Variants in GDPD1 observed in about 807,000 individuals in gnomAD.
GDPD1 encodes the protein glycerophosphodiester phosphodiesterase domain containing 1, also known as lysophospholipase D GDPD1.
GDPD1 carries 28 observed loss-of-function variants against 45.1 expected under a neutral mutation model. The ratio of observed to expected loss-of-function variants is 0.62; its 90% CI spans 0.46 to 0.85. The LOEUF (loss-of-function observed/expected upper bound fraction) is 0.85. Among genes scored for constraint, GDPD1 ranks in the 40% least tolerant of loss-of-function variants. The pLI, the probability that GDPD1 is intolerant of heterozygous loss-of-function variation, is 0.00. For synonymous variants in GDPD1, 139 were observed against 131.4 expected (o/e 1.06, Z -0.40); for missense variants, 256 against 364.8 (o/e 0.70, Z 2.43).
chr17:59,239,479 G>T (rs555212083), intron 2 of GDPD1, among the ~76,000 whole-genome samples: 1 of 151,804 alleles, frequency 6.6e-6, no homozygotes, highest in Non-Finnish European at 1.5e-5. Flanking sequence ...GGTGCATGTT[G>T]TTATTCATGG....
intron 1 of GDPD1, among the ~76,000 whole-genome samples, chr17:59,225,090 CT>C (rs796851725): frequency 0.077 from 8,734 of 113,494 alleles, 281 homozygotes; most frequent in African/African-American, 0.19. Flanking sequence ...TCTTTCTTTT[CT>C]TTTTTTTTTT....
intron 4 of GDPD1, among the ~76,000 whole-genome samples, chr17:59,255,466 GCACAGTGGCT>G (rs911251857): frequency 1.3e-5 from 2 of 151,232 alleles, no homozygotes; most frequent in African/African-American, 4.9e-5. Context: ...AATAGGCCGG[GCACAGTGGCT>G]CACGCTTGTA....
At chr17:59,253,221 C>T (rs2047269705) in intron 4 of GDPD1, among the ~76,000 whole-genome samples, 1 of 152,136 alleles carries the variant, frequency 6.6e-6, no homozygotes, top group Admixed American at 6.6e-5. Flanking sequence ...CCTTGTCTAT[C>T]TTTCCTATTT....
At chr17:59,254,378 A>AAG (rs1471872574) in intron 4 of GDPD1, among the ~76,000 whole-genome samples, 4 of 151,410 alleles carry the variant, frequency 2.6e-5, no homozygotes, top group African/African-American at 9.7e-5. Context: ...AAAAAAAAAA[A>AAG]AGAAAAGCCA....
chr17:59,249,406 A>G (rs73321292), intron 4 of GDPD1, among the ~76,000 whole-genome samples: 3,942 of 152,212 alleles, frequency 0.026, 195 homozygotes, highest in African/African-American at 0.089. Context: ...AAAAAAATAT[A>G]TATAATGAAA....
intron 1 of GDPD1, among the ~76,000 whole-genome samples, chr17:59,234,131 C>T (rs1180895685): frequency 6.6e-6 from 1 of 151,766 alleles, no homozygotes; most frequent in Non-Finnish European, 1.5e-5. Flanking sequence ...ACAGATCACG[C>T]GGTCAGGAGA....
chr17:59,232,283 T>C (rs2047096908), intron 1 of GDPD1, among the ~76,000 whole-genome samples: 1 of 151,992 alleles, frequency 6.6e-6, no homozygotes, highest in South Asian at 2.1e-4. Flanking sequence ...AAACCCCATC[T>C]CTACTAAAAA....
intron 1 of GDPD1, among the ~76,000 whole-genome samples, chr17:59,229,969 T>TTTGC (rs1200950593): frequency 1.3e-5 from 2 of 152,180 alleles, no homozygotes; most frequent in Admixed American, 6.6e-5. Context: ...TGTGTTTTTG[T>TTTGC]TTGCTTGCTT....
At chr17:59,239,509 T>A (rs1165997030) in intron 2 of GDPD1, among the ~76,000 whole-genome samples, 2 of 152,076 alleles carry the variant, frequency 1.3e-5, no homozygotes, top group Non-Finnish European at 2.9e-5. Flanking sequence ...AAGGCAAAAG[T>A]GATAAAAAAA....
At chr17:59,240,492 T>A (rs912558725) in intron 2 of GDPD1, among the ~76,000 whole-genome samples, 7 of 152,082 alleles carry the variant, frequency 4.6e-5, no homozygotes, top group Non-Finnish European at 8.8e-5. Context: ...TTTTATTATA[T>A]TTTTAAGAGA....
intron 1 of GDPD1, 135 bp downstream of exon 1, chr17:59,220,886 C>A (rs1354914949): frequency 1.7e-5 from 17 of 1,002,918 alleles, no homozygotes; most frequent in Admixed American, 2.3e-5. Flanking sequence ...AGGGCTCTTC[C>A]GGAGGTGAAG....
chr17:59,253,005 A>T (rs2047268152), intron 4 of GDPD1, among the ~76,000 whole-genome samples: 1 of 152,216 alleles, frequency 6.6e-6, no homozygotes, highest in African/African-American at 2.4e-5. Flanking sequence ...AACAAAAAAA[A>T]GTGTTAACCA....
At chr17:59,235,608 G>A (rs1039222652) in intron 2 of GDPD1, among the ~76,000 whole-genome samples, 1 of 151,976 alleles carries the variant, frequency 6.6e-6, no homozygotes, top group East Asian at 1.9e-4. Context: ...CCTGAGGTCC[G>A]GAGTTCAAGA....
chr17:59,245,585 G>T (rs1487008562), intron 3 of GDPD1, 36 bp downstream of exon 3: 1 of 1,540,536 alleles, frequency 6.5e-7, no homozygotes, highest in Non-Finnish European at 8.8e-7. Flanking sequence ...ATATCTAATA[G>T]ATGTCGCGGC....
At chr17:59,242,004 T>G (rs1054235238) in intron 2 of GDPD1, among the ~76,000 whole-genome samples, 3 of 152,156 alleles carry the variant, frequency 2.0e-5, no homozygotes, top group African/African-American at 7.2e-5. Flanking sequence ...TGAGGTTGAA[T>G]AAATTGATGT....
intron 6 of GDPD1, among the ~76,000 whole-genome samples, chr17:59,266,769 C>T (rs916529472): frequency 6.6e-6 from 1 of 151,996 alleles, no homozygotes; most frequent in Non-Finnish European, 1.5e-5. Flanking sequence ...GTACTGTAAC[C>T]AACGCAGAAG....
Position 59,230,657 on chromosome 17 carries a change from C to T in GDPD1, c.143-3835C>T, listed in dbSNP as rs543210228. On this transcript the variant is annotated intron_variant, in intron 1 of 9. Coordinates refer to ENST00000284116, the MANE Select transcript of GDPD1 (RefSeq NM_182569.4). ...TCAGCCTCCCAAAGTGCTGGCATTA[C>T]AGGTGTGAGCCACCATGCCCGGCCC... 2.6e-5 allele frequency among the ~76,000 whole-genome samples: 4 copies of T among 152,210 alleles called. No homozygotes were observed. The South Asian group carries it at 8.3e-4, about 32-fold the overall frequency.
chr17:59,237,366 A>T (rs2047140835), intron 2 of GDPD1, among the ~76,000 whole-genome samples: 3 of 152,176 alleles, frequency 2.0e-5, no homozygotes, highest in Admixed American at 2.0e-4. Flanking sequence ...GCACCACTGT[A>T]CTCCAGCCTG....
At chr17:59,225,161 G>A (rs1196508797) in intron 1 of GDPD1, among the ~76,000 whole-genome samples, 2 of 141,398 alleles carry the variant, frequency 1.4e-5, no homozygotes, top group African/African-American at 2.6e-5. Flanking sequence ...GTATGATCTC[G>A]GCTCACTGCA....
Sources: allele counts gnomAD v4.1 joint callset (sites outside exome capture counted in the v4.1 genomes callset), GRCh38; gene constraint gnomAD v4.1.1; transcripts MANE v1.5; gene names NCBI Gene and HGNC (gene_info 2026-07-23, HGNC 2026-07-21).